The following TTYH1 variants were observed in gnomAD, a reference collection of about 807,000 sequenced individuals.
The protein encoded by TTYH1 is protein tweety homolog 1.
TTYH1 carries 33 observed loss-of-function variants against 61.2 expected under a neutral mutation model. The observed-to-expected ratio is 0.54, with a 90% CI of 0.41 to 0.72. The LOEUF is 0.72. Ranked by LOEUF, TTYH1 falls within the 30% of genes least tolerant of loss-of-function variation. TTYH1 has a pLI of 0.00. For synonymous variants in TTYH1, 308 were observed against 266.4 expected (o/e 1.16, Z -1.52); for missense variants, 538 against 575.8 (o/e 0.93, Z 0.67).
Position 54,422,408 on chromosome 19 carries a change from C to T in TTYH1, c.636C>T (p.Tyr212=), listed in dbSNP as rs765655198. ...VAENVSFVEE[Y]RWLAYVLLLL... ...AAAATGTGTCCTTTGTGGAGGAGTA[C>T]AGGTGAGACGCTGCTCTTCTTGCTC... The change falls in exon 4 of 14, where the codon TAC becomes TAT. Residue 212 remains tyrosine, a splice_region_variant and synonymous_variant. Transcript: ENST00000376530. 14 of 1,541,628 alleles carry T rather than the reference C, an allele frequency of 9.1e-6. No individual in the cohort carries two copies. Among genetic ancestry groups the T allele is most frequent in the Non-Finnish European group, 1.2e-5 (14 of 1,139,864 alleles).
Position 54,429,963 on chromosome 19 carries a change from T to C in TTYH1, c.883+6T>C, listed in dbSNP as rs757653026. 1.2e-6 allele frequency: 2 copies of C among 1,613,562 alleles called. No individual in the cohort carries two copies. Among genetic ancestry groups the C allele is most frequent in the Non-Finnish European group, 1.7e-6 (2 of 1,179,594 alleles). ...GGAGACAGGGCTCAGCTCAGGTGAT[T>C]TCCAAGGGCCCGGTGGGTCCGCCGG... On this transcript the variant is annotated splice_donor_region_variant and intron_variant, in intron 7 of 13. Transcript: ENST00000376530. This position sits in a 1 kb window ranked among gnomAD's most constrained non-coding sequence, Gnocchi z 5.1.
chr19:54,435,174 T>G, intron 10 of TTYH1: 1 of 219,740 alleles, frequency 4.6e-6, no homozygotes. Context: ...CCTGGGTAGA[T>G]GAAGATGGAG....
chr19:54,430,870 G>A lies in TTYH1; in HGVS notation c.997G>A (p.Glu333Lys), dbSNP rs767577130. 1.2e-6 allele frequency: 2 copies of A among 1,613,736 alleles called. No homozygotes were observed. The highest frequency in any genetic ancestry group is 1.7e-6 in the Non-Finnish European group (2 of 1,180,022). Residue 333 changes from glutamate (E) to lysine (K), a missense_variant, in exon 9 of 14, where the codon GAG (glutamate) becomes AAG (lysine). Physicochemically the swap from Glu to Lys is moderately conservative, Grantham distance 56. Transcript: ENST00000376530. ...ANIHSQLLGL[E>K]REAVPQFPSA... ...CATCCACTCCCAGCTGCTGGGCCTG[G>A]AGCGAGAAGCTGTGCCTCAGTTCCC...
At chr19:54,426,349 G>A (rs940216097) in intron 4 of TTYH1, 1 of 368,638 alleles carries the variant, frequency 2.7e-6, no homozygotes, top group Non-Finnish European at 5.0e-6. Context: ...ACTCTGCAGG[G>A]TGGGGTTGGG....
At chr19:54,432,202 C>G (rs1023341641) in intron 10 of TTYH1, 3 of 152,612 alleles carry the variant, frequency 2.0e-5, no homozygotes, top group African/African-American at 7.2e-5. Flanking sequence ...GCCTGGGCAA[C>G]AAGAGCGAAA....
intron 4 of TTYH1, among the ~76,000 whole-genome samples, chr19:54,424,310 G>A (rs2083279814): frequency 6.6e-6 from 1 of 152,190 alleles, no homozygotes; most frequent in Non-Finnish European, 1.5e-5. Flanking sequence ...CCACCATGAC[G>A]GTGTCCTCAT....
rs530684496 is a variant in TTYH1, at chr19:54,420,712, G to A, written c.306-565G>A. ...CCAGCTGGCCCGACGCTTGGGTCCC[G>A]GGTGGGGGAAGGCCGAGAGCTCCAG... On this transcript the variant is annotated intron_variant, in intron 2 of 13. Transcript: ENST00000376530. This position sits in a 1 kb window ranked among gnomAD's most constrained non-coding sequence, Gnocchi z 4.8. 1.4e-3 allele frequency: 229 copies of A among 168,376 alleles called. 1 individual carries two copies. The highest frequency in any genetic ancestry group is 2.6e-3 in the Non-Finnish European group (177 of 69,204). 10.4% of individuals were successfully genotyped at this position (168,376 alleles called of 1,614,324 possible). A position where few individuals can be genotyped will look rare whatever the true frequency, so the allele number is the denominator to read the frequency against.
rs988042832 is a variant in TTYH1 at position 54,420,271 on chromosome 19, C to T, written c.305+965C>T. On this transcript the variant is annotated intron_variant, in intron 2 of 13. Coordinates refer to ENST00000376530, the MANE Select transcript of TTYH1 (RefSeq NM_020659.4). This position sits in a 1 kb window ranked among gnomAD's most constrained non-coding sequence, Gnocchi z 4.8. Reference sequence around the variant, plus strand: ...CCAGACGCCTGCCCCGGACCCACAGCGGGCAAGGGGAGGGACCTGTAGGGG... The same window carrying T: ...CCAGACGCCTGCCCCGGACCCACAGTGGGCAAGGGGAGGGACCTGTAGGGG... Among the ~76,000 whole-genome samples, 1 of 152,146 alleles carries T rather than the reference C, an allele frequency of 6.6e-6. No homozygotes were observed.
Position 54,436,277 on chromosome 19 carries a change from G to A in TTYH1, c.*43-56G>A, listed in dbSNP as rs541017682. The stretch of plus-strand genomic sequence containing the variant: ...CTGCGTGCCTCCTGCTGGGTGGATC[G>A]CACCGGGCAGGCCCTCCAGCCTGCA... On this transcript the variant is annotated intron_variant, in intron 13 of 13. Coordinates refer to ENST00000376530, the MANE Select transcript of TTYH1 (RefSeq NM_020659.4). The surrounding 1 kb of genome is among the most constrained non-coding windows in gnomAD (Gnocchi z 4.3). The A allele has an allele frequency of 4.3e-5, 69 of 1,611,442 alleles. No homozygotes were observed. In the Admixed American group the frequency reaches 7.5e-4, roughly 18 times the overall value.
At chr19:54,422,456 G>T (rs779381215) in intron 4 of TTYH1, 46 bp downstream of exon 4, 1 of 1,452,664 alleles carries the variant, frequency 6.9e-7, no homozygotes, top group Non-Finnish European at 9.2e-7. Context: ...GCTCTCAGGC[G>T]GAGTCCCCGG....
intron 9 of TTYH1, 60 bp from the exon 10 acceptor site, chr19:54,431,039 G>A: frequency 6.6e-7 from 1 of 1,525,660 alleles, no homozygotes; most frequent in East Asian, 2.3e-5. Context: ...GCAGGGCGGG[G>A]CCAGGGCGAT....
chr19:54,416,253 C>A lies in TTYH1; in HGVS notation c.126+575C>A. 3.0e-6 allele frequency: 1 copy of A among 338,424 alleles called. No homozygotes were observed. The highest frequency in any genetic ancestry group is 6.0e-6 in the Non-Finnish European group (1 of 167,566). The allele number at this position is 338,424 out of a possible 1,614,324, so 21.0% of individuals were successfully genotyped here. On this transcript the variant is annotated intron_variant, in intron 1 of 13. Transcript: ENST00000376530. The surrounding 1 kb of genome is among the most constrained non-coding windows in gnomAD (Gnocchi z 7.0). ...GGGAGAGGAAGCTTCTTGCCCGTCC[C>A]AAGAAAGAAGGGGTGGTCAGGGCGC...
In TTYH1 at chr19:54,436,721, C is replaced by T; in HGVS notation, c.*431C>T. 2.9e-6 allele frequency: 1 copy of T among 348,776 alleles called. No homozygotes were observed. Among genetic ancestry groups the T allele is most frequent in the South Asian group, 4.4e-5 (1 of 22,600 alleles). The allele number at this position is 348,776 out of a possible 1,614,324, so 21.6% of individuals were successfully genotyped here. On this transcript the variant is annotated 3_prime_UTR_variant, in exon 14 of 14. Coordinates refer to ENST00000376530, the MANE Select transcript of TTYH1 (RefSeq NM_020659.4). The surrounding 1 kb of genome is among the most constrained non-coding windows in gnomAD (Gnocchi z 4.3). ...AAAGGGAAGACTATTTTACAAGCAGCTGGGTCCTCCTTATTTCTCCTCTCC... is the reference window on the plus strand; with the variant it reads ...AAAGGGAAGACTATTTTACAAGCAGTTGGGTCCTCCTTATTTCTCCTCTCC...
At chr19:54,423,662 T>A (rs924955990) in intron 4 of TTYH1, among the ~76,000 whole-genome samples, 8 of 152,122 alleles carry the variant, frequency 5.3e-5, no homozygotes, top group African/African-American at 1.9e-4. Flanking sequence ...GTTCGAGTTG[T>A]TGAGTTGGCA....
chr19:54,434,635 T>C lies in TTYH1; in HGVS notation c.1126-907T>C, dbSNP rs1450348884. 1 of 152,252 alleles carries C rather than the reference T, an allele frequency of 6.6e-6. No individual in the cohort carries two copies. The highest frequency in any genetic ancestry group is 2.4e-5 in the African/African-American group (1 of 41,462). The allele number at this position is 152,252 out of a possible 1,614,324, so 9.4% of individuals were successfully genotyped here. A position where few individuals can be genotyped will look rare whatever the true frequency, so the allele number is the denominator to read the frequency against. ...GCAGGCTCTGTCAACCCCCACTGAATACATACGCTGTGCAGGTGCTTAGCA... is the reference window on the plus strand; with the variant it reads ...GCAGGCTCTGTCAACCCCCACTGAACACATACGCTGTGCAGGTGCTTAGCA... On this transcript the variant is annotated intron_variant, in intron 10 of 13. Coordinates refer to ENST00000376530, the MANE Select transcript of TTYH1 (RefSeq NM_020659.4). This position sits in a 1 kb window ranked among gnomAD's most constrained non-coding sequence, Gnocchi z 4.3.
At chr19:54,426,385 C>G (rs2083319857) in intron 4 of TTYH1, 1 of 468,814 alleles carries the variant, frequency 2.1e-6, no homozygotes, top group Admixed American at 3.8e-5. Flanking sequence ...GAGAACACAT[C>G]ACGTGTCCCT....
intron 4 of TTYH1, among the ~76,000 whole-genome samples, chr19:54,424,569 CA>C (rs1472878702): frequency 1.3e-5 from 2 of 152,246 alleles, no homozygotes; most frequent in Non-Finnish European, 2.9e-5. Context: ...AGGGGCTGCA[CA>C]AGCCGGGCCT....
rs376518513 is a variant in TTYH1 at position 54,419,261 on chromosome 19, G to T, written c.260G>T (p.Gly87Val). ...GGGTCCAAGATCCCCTCGCCCGGGG[G>T]AGGCTGCGTCACCTGGAGCTGCATT... ...PPGSKIPSPG[G>V]GCVTWSCIVA... The change falls in exon 2 of 14, where the codon GGA (glycine) becomes GTA (valine). Residue 87 changes from glycine (G) to valine (V), a missense_variant. This residue lies in a region of TTYH1 where 157 missense variants were observed against 157.0 expected (regional missense o/e 1.00). Coordinates refer to ENST00000376530, the MANE Select transcript of TTYH1 (RefSeq NM_020659.4). The surrounding 1 kb of genome is among the most constrained non-coding windows in gnomAD (Gnocchi z 6.1). 3.1e-6 allele frequency: 5 copies of T among 1,606,114 alleles called. No individual in the cohort carries two copies. In the African/African-American group the frequency reaches 5.3e-5, roughly 17 times the overall value.
At chr19:54,425,159 G>T (rs561251269) in intron 4 of TTYH1, among the ~76,000 whole-genome samples, 5 of 152,216 alleles carry the variant, frequency 3.3e-5, no homozygotes, top group African/African-American at 1.2e-4. Context: ...GCCCGATTGG[G>T]AGCGGCAATG....
Sources: gnomAD v4.1 joint callset for allele counts (sites outside exome capture counted in the v4.1 genomes callset) on GRCh38, gnomAD v4.1.1 for gene constraint, gnomAD v4.1.1 regional missense constraint, Gnocchi (gnomAD v3.1) non-coding constraint, MANE v1.5 for transcripts, NCBI Gene and HGNC (gene_info 2026-07-23, HGNC 2026-07-21) for gene names.